Variants in KCNQ1 observed in about 807,000 individuals in gnomAD.
KCNQ1 encodes potassium voltage-gated channel subfamily Q member 1, also known as potassium voltage-gated channel subfamily KQT member 1.
KCNQ1 carries 49 observed loss-of-function variants against 72.4 expected under a neutral mutation model. That is an observed-to-expected ratio of 0.68 (90% CI 0.54 to 0.86). The LOEUF is 0.86. Among genes scored for constraint, KCNQ1 ranks in the 40% least tolerant of loss-of-function variants. KCNQ1 has a pLI of 0.00. For missense variants in KCNQ1, 790 were observed against 945.1 expected (o/e 0.84, Z 2.15); for synonymous variants, 450 against 412.6 (o/e 1.09, Z -1.10).
intron 11 of KCNQ1, among the ~76,000 whole-genome samples, chr11:2,726,393 T>C (rs1450410421): frequency 6.6e-6 from 1 of 152,152 alleles, no homozygotes; most frequent in Non-Finnish European, 1.5e-5. Flanking sequence ...GTGGTGCTCT[T>C]CCTGGGCCAG....
At chr11:2,631,495 GTC>G (rs141868481) in intron 10 of KCNQ1, 60,885 of 397,972 alleles carry the variant, frequency 0.15, 5,285 homozygotes, top group African/African-American at 0.28. Flanking sequence ...TCATTAGGTT[GTC>G]TCTCTGTTCT....
At position 2,550,023 on chromosome 11, in the gene KCNQ1, C is replaced by T. The variant is rs1004475358; in HGVS notation, c.478-20605C>T. Among the ~76,000 whole-genome samples the T allele has an allele frequency of 1.3e-5, 2 of 152,184 alleles. No individual in the cohort carries two copies. The highest frequency in any genetic ancestry group is 2.9e-5 in the Non-Finnish European group (2 of 68,024). The stretch of plus-strand genomic sequence containing the variant: ...AGGGTGCAGGGGACTGTTTGGGCCT[C>T]GAGAGGGACGGACCCCAGAACTGGA... On this transcript the variant is annotated intron_variant, in intron 2 of 15. Coordinates refer to ENST00000155840, the MANE Select transcript of KCNQ1 (RefSeq NM_000218.3). The surrounding 1 kb of genome is among the most constrained non-coding windows in gnomAD (Gnocchi z 6.0).
intron 15 of KCNQ1, among the ~76,000 whole-genome samples, chr11:2,841,439 A>G (rs1024117254): frequency 2.0e-5 from 3 of 152,130 alleles, no homozygotes; most frequent in Non-Finnish European, 2.9e-5. Context: ...GTGACAGTCC[A>G]GGCAGAAGAT....
At position 2,486,370 on chromosome 11, in the gene KCNQ1, G is replaced by T. The variant is rs575471932; in HGVS notation, c.386+40886G>T. The stretch of plus-strand genomic sequence containing the variant: ...GGTTTGTTTTTGCTGTTGAGTTTTA[G>T]AACTTCTCTATATATTCTGGATATT... On this transcript the variant is annotated intron_variant, in intron 1 of 15. Transcript: ENST00000155840. The surrounding 1 kb of genome is among the most constrained non-coding windows in gnomAD (Gnocchi z 5.0). Among the ~76,000 whole-genome samples the T allele has an allele frequency of 1.3e-5, 2 of 152,220 alleles. No individual in the cohort carries two copies. Among genetic ancestry groups the T allele is most frequent in the South Asian group, 2.1e-4 (1 of 4,822 alleles).
At chr11:2,616,631 GTCT>G in intron 10 of KCNQ1, 1 of 398,002 alleles carries the variant, frequency 2.5e-6, no homozygotes, top group Non-Finnish European at 4.4e-6. Context: ...CCCTTCTGAT[GTCT>G]TCTTTGACAC....
chr11:2,677,875 C>G lies in KCNQ1; in HGVS notation c.1514+15794C>G, dbSNP rs182169333. ...TTACATCACTTTGACTGCACAAATG[C>G]ACTTTCTTCCCCCACCCTTACCAAG... is the stretch of plus-strand genomic sequence containing the variant. On this transcript the variant is annotated intron_variant, in intron 11 of 15. Transcript: ENST00000155840. This position sits in a 1 kb window ranked among gnomAD's most constrained non-coding sequence, Gnocchi z 4.5. 2.5e-6 allele frequency: 1 copy of G among 398,522 alleles called. No homozygotes were observed. The highest frequency in any genetic ancestry group is 3.6e-5 in the East Asian group (1 of 28,054). The allele number at this position is 398,522 out of a possible 1,614,324, so 24.7% of individuals were successfully genotyped here.
chr11:2,688,638 G>A lies in KCNQ1; in HGVS notation c.1514+26557G>A, dbSNP rs1365055376. On this transcript the variant is annotated intron_variant, in intron 11 of 15. Coordinates refer to ENST00000155840, the MANE Select transcript of KCNQ1 (RefSeq NM_000218.3). ...CTGTGCCTGGGTGAGCTCTGGACCT[G>A]CCTCCTAAACATAGGGCTGCCTGCT... The A allele has an allele frequency of 2.3e-5, 9 of 398,792 alleles. No homozygotes were observed. The East Asian group carries it at 2.8e-4, about 13-fold the overall frequency. 24.7% of individuals were successfully genotyped at this position (398,792 alleles called of 1,614,324 possible).
At chr11:2,795,422 T>C (rs757095630) in intron 15 of KCNQ1, among the ~76,000 whole-genome samples, 4 of 152,232 alleles carry the variant, frequency 2.6e-5, no homozygotes, top group Non-Finnish European at 5.9e-5. Context: ...AAAAAGAGCC[T>C]GAGCTGTGAG....
chr11:2,845,620 G>A (rs1848311190), intron 15 of KCNQ1, among the ~76,000 whole-genome samples: 1 of 152,180 alleles, frequency 6.6e-6, no homozygotes, highest in Non-Finnish European at 1.5e-5. Context: ...TCAGACCTCG[G>A]ATGTACACCT....
rs1564845527 is a variant in KCNQ1 at position 2,651,300 on chromosome 11, G to A, written c.1394-10661G>A. The A allele has an allele frequency of 7.5e-6, 3 of 398,650 alleles. No individual in the cohort carries two copies. The highest frequency in any genetic ancestry group is 8.8e-6 in the Non-Finnish European group (2 of 226,094). The allele number at this position is 398,650 out of a possible 1,614,324, so 24.7% of individuals were successfully genotyped here. A position where few individuals can be genotyped will look rare whatever the true frequency, so the allele number is the denominator to read the frequency against. On this transcript the variant is annotated intron_variant, in intron 10 of 15. Coordinates refer to ENST00000155840, the MANE Select transcript of KCNQ1 (RefSeq NM_000218.3). The surrounding 1 kb of genome is among the most constrained non-coding windows in gnomAD (Gnocchi z 6.1). ...GAAAGAGCTTCATGGTGGGCAGCTGGGAAGCTGCACAGAACACTCCTCAGA... is the reference window on the plus strand; with the variant it reads ...GAAAGAGCTTCATGGTGGGCAGCTGAGAAGCTGCACAGAACACTCCTCAGA...
chr11:2,677,464 C>T lies in KCNQ1; in HGVS notation c.1514+15383C>T. 1 of 398,506 alleles carries T rather than the reference C, an allele frequency of 2.5e-6. No individual in the cohort carries two copies. The highest frequency in any genetic ancestry group is 4.4e-6 in the Non-Finnish European group (1 of 226,040). 24.7% of individuals were successfully genotyped at this position (398,506 alleles called of 1,614,324 possible). A position where few individuals can be genotyped will look rare whatever the true frequency, so the allele number is the denominator to read the frequency against. ...TGATGCAGGTGGCCTCTTGGTCAAG[C>T]AGTGAAACCATGCCATACTTCTACA... On this transcript the variant is annotated intron_variant, in intron 11 of 15. Transcript: ENST00000155840. This position sits in a 1 kb window ranked among gnomAD's most constrained non-coding sequence, Gnocchi z 4.5.
At chr11:2,693,786 C>G in intron 11 of KCNQ1, 1 of 398,806 alleles carries the variant, frequency 2.5e-6, no homozygotes, top group Non-Finnish European at 4.4e-6. Context: ...CCGGCCAGTT[C>G]AGAGGAGCAT....
At position 2,463,161 on chromosome 11, in the gene KCNQ1, G is replaced by A. The variant is rs1846303423; in HGVS notation, c.386+17677G>A. Among the ~76,000 whole-genome samples the A allele has an allele frequency of 6.6e-6, 1 of 152,124 alleles. No homozygotes were observed. The highest frequency in any genetic ancestry group is 1.5e-5 in the Non-Finnish European group (1 of 68,014). The stretch of plus-strand genomic sequence containing the variant: ...TTGTGCTTGGTCAGAGTGGGGAACT[G>A]GACGCTCCGTCCCTGGCTCAGCCTC... On this transcript the variant is annotated intron_variant, in intron 1 of 15. Transcript: ENST00000155840. The surrounding 1 kb of genome is among the most constrained non-coding windows in gnomAD (Gnocchi z 7.0).
At chr11:2,589,698 C>T (rs901470477) in intron 10 of KCNQ1, among the ~76,000 whole-genome samples, 5 of 152,156 alleles carry the variant, frequency 3.3e-5, no homozygotes, top group East Asian at 3.9e-4. Flanking sequence ...CCATGCCTCC[C>T]GCCAACTTCT....
chr11:2,459,777 A>C (rs184073771), intron 1 of KCNQ1, among the ~76,000 whole-genome samples: 1,821 of 151,904 alleles, frequency 0.012, 12 homozygotes, highest in Non-Finnish European at 0.018. Flanking sequence ...AGATGAATGG[A>C]GTCGTGAAAT....
chr11:2,819,219 TAGG>T (rs757726485), intron 15 of KCNQ1, among the ~76,000 whole-genome samples: 87 of 152,316 alleles, frequency 5.7e-4, no homozygotes, highest in Admixed American at 2.0e-3. Flanking sequence ...TGTGGCCCAC[TAGG>T]AGGACAGACA....
At position 2,660,631 on chromosome 11, in the gene KCNQ1, A is replaced by G. The variant is rs1849935375; in HGVS notation, c.1394-1330A>G. 3 of 398,670 alleles carry G rather than the reference A, an allele frequency of 7.5e-6. No homozygotes were observed. In the East Asian group the frequency reaches 1.1e-4, roughly 14 times the overall value. 24.7% of individuals were successfully genotyped at this position (398,670 alleles called of 1,614,324 possible). A position where few individuals can be genotyped will look rare whatever the true frequency, so the allele number is the denominator to read the frequency against. ...ATGCCAAGCCCATAAAAGGTATTCA[A>G]CACAGATGGAAATAACAGCAATGCC... On this transcript the variant is annotated intron_variant, in intron 10 of 15. Transcript: ENST00000155840.
intron 13 of KCNQ1, 22 bp downstream of exon 13, chr11:2,776,076 C>T (rs879047344): frequency 1.3e-5 from 20 of 1,541,398 alleles, no homozygotes; most frequent in Middle Eastern, 2.0e-4. Flanking sequence ...CAAACGGCAG[C>T]GGGGAGGGTG....
chr11:2,732,299 T>C (rs1845870400), intron 11 of KCNQ1, among the ~76,000 whole-genome samples: 1 of 152,202 alleles, frequency 6.6e-6, no homozygotes, highest in South Asian at 2.1e-4. Context: ...ATCCAAACAA[T>C]AGTCCACAAA....
Sources: allele counts gnomAD v4.1 joint callset (sites outside exome capture counted in the v4.1 genomes callset), GRCh38; gene constraint gnomAD v4.1.1; non-coding constraint Gnocchi (gnomAD v3.1); transcripts MANE v1.5; gene names NCBI Gene and HGNC (gene_info 2026-07-23, HGNC 2026-07-21).